ADORA2B: variants seen among roughly 807,000 people sequenced by gnomAD.
ADORA2B encodes the protein adenosine receptor A2b.
In ADORA2B, 18 loss-of-function variants were observed where a neutral mutation model predicts 20.8. The observed-to-expected ratio is 0.87, with a 90% CI of 0.60 to 1.29. The LOEUF is 1.29. Ranked by LOEUF, ADORA2B falls within the 50% of genes most tolerant of loss-of-function variation. The pLI, the probability that ADORA2B is intolerant of heterozygous loss-of-function variation, is 0.00. For synonymous variants in ADORA2B, 179 were observed against 178.3 expected, an observed-to-expected ratio of 1.00 and a Z score of -0.03; for missense variants, 441 against 422.7, an observed-to-expected ratio of 1.04 and a Z score of -0.38.
the ADORA2B span, among the ~76,000 whole-genome samples, chr17:15,922,394 A>G: frequency 2.4e-4 from 37 of 152,322 alleles, 1 homozygote; most frequent in South Asian, 7.7e-3. Flanking sequence ...CTATCAATAC[A>G]TAGAAAGCAT....
the ADORA2B span, among the ~76,000 whole-genome samples, chr17:15,919,712 G>A: frequency 6.6e-6 from 1 of 152,162 alleles, no homozygotes; most frequent in Admixed American, 6.5e-5. Context: ...AGGTACAGCA[G>A]TGGATGTGCC....
At chr17:15,871,850 G>C in the ADORA2B span, among the ~76,000 whole-genome samples, 28 of 152,278 alleles carry the variant, frequency 1.8e-4, no homozygotes, top group Non-Finnish European at 3.4e-4. Flanking sequence ...TCCTTTCACT[G>C]TAATAAATTT....
the ADORA2B span, among the ~76,000 whole-genome samples, chr17:15,939,899 T>C: frequency 6.6e-6 from 1 of 151,446 alleles, no homozygotes; most frequent in Admixed American, 6.6e-5. Flanking sequence ...ACATTTTCTC[T>C]GAATGTCTGA....
the ADORA2B span, among the ~76,000 whole-genome samples, chr17:15,878,262 A>G: frequency 6.6e-6 from 1 of 151,264 alleles, no homozygotes; most frequent in Non-Finnish European, 1.5e-5. Context: ...CATTTATTTC[A>G]GCATCACTTA....
chr17:15,890,713 G>A, the ADORA2B span, among the ~76,000 whole-genome samples: 8 of 152,128 alleles, frequency 5.3e-5, no homozygotes, highest in African/African-American at 1.7e-4. Flanking sequence ...AACAATATCC[G>A]CCTCCCAGTG....
At chr17:15,955,718 T>A (rs1969958451) in intron 1 of ADORA2B, among the ~76,000 whole-genome samples, 1 of 146,820 alleles carries the variant, frequency 6.8e-6, no homozygotes, top group East Asian at 2.0e-4. Flanking sequence ...GCCTCTGGGA[T>A]TCTTTTTTTT....
At chr17:15,894,070 A>G in the ADORA2B span, among the ~76,000 whole-genome samples, 2 of 152,140 alleles carry the variant, frequency 1.3e-5, no homozygotes, top group Non-Finnish European at 2.9e-5. Context: ...ATCCTACAAT[A>G]TGTCCCACAG....
the ADORA2B span, among the ~76,000 whole-genome samples, chr17:15,899,773 G>A: frequency 6.6e-6 from 1 of 151,980 alleles, no homozygotes; most frequent in East Asian, 1.9e-4. Context: ...AAGGACATCA[G>A]TTCATTCTTT....
the ADORA2B span, among the ~76,000 whole-genome samples, chr17:15,851,237 A>G: frequency 0.025 from 3,775 of 150,130 alleles, 151 homozygotes; most frequent in African/African-American, 0.088. Flanking sequence ...GATTTAATCC[A>G]GGGCATTTGG....
chr17:15,954,895 G>A (rs1180196959), intron 1 of ADORA2B, among the ~76,000 whole-genome samples: 1 of 152,242 alleles, frequency 6.6e-6, no homozygotes, highest in Non-Finnish European at 1.5e-5. Flanking sequence ...GGTGTGTAAT[G>A]ATTCTTACTT....
At chr17:15,945,858 G>C (rs1479457393) in intron 1 of ADORA2B, among the ~76,000 whole-genome samples, 1 of 152,142 alleles carries the variant, frequency 6.6e-6, no homozygotes, top group Non-Finnish European at 1.5e-5. Flanking sequence ...CGCCCGGGGA[G>C]GCGCCGTGGA....
At position 15,958,861 on chromosome 17, in the gene ADORA2B, C is replaced by T. The variant is rs1269947051; in HGVS notation, c.335+13278C>T. Among the ~76,000 whole-genome samples, 3 of 152,160 alleles carry T rather than the reference C, an allele frequency of 2.0e-5. No individual in the cohort carries two copies. The East Asian group carries it at 5.8e-4, about 29-fold the overall frequency. On this transcript the variant is annotated intron_variant, in intron 1 of 1. Coordinates refer to ENST00000304222, the MANE Select transcript of ADORA2B (RefSeq NM_000676.4). ...TATTTGTAATTTGTTTAAGGTTTGC[C>T]ATCCTTTCTCTGTTATGAGCAGGGC...
chr17:15,943,024 C>T (rs1969758092), upstream of ADORA2B, among the ~76,000 whole-genome samples: 1 of 152,222 alleles, frequency 6.6e-6, no homozygotes, highest in Admixed American at 6.5e-5. Flanking sequence ...CTCTGGCCTT[C>T]TGTGTGGCAG....
chr17:15,944,600 G>T (rs1969773616), upstream of ADORA2B, among the ~76,000 whole-genome samples: 1 of 152,092 alleles, frequency 6.6e-6, no homozygotes, highest in Non-Finnish European at 1.5e-5. This position sits in a 1 kb window ranked among gnomAD's most constrained non-coding sequence, Gnocchi z 4.8. Context: ...GCTCCTTGCA[G>T]TCCGGCCCCG....
chr17:15,931,378 G>A, the ADORA2B span, among the ~76,000 whole-genome samples: 1 of 152,236 alleles, frequency 6.6e-6, no homozygotes, highest in Admixed American at 6.5e-5. Context: ...CATGTGTGAA[G>A]TGAGATCTGA....
At chr17:15,931,721 T>C in the ADORA2B span, among the ~76,000 whole-genome samples, 2,295 of 152,176 alleles carry the variant, frequency 0.015, 70 homozygotes, top group African/African-American at 0.052. Flanking sequence ...ATTTTAAAAA[T>C]TGGATTATTT....
chr17:15,874,038 ATGTGTATATATATATATATATGTG>A, the ADORA2B span, among the ~76,000 whole-genome samples: 21 of 131,396 alleles, frequency 1.6e-4, no homozygotes, highest in African/African-American at 5.7e-4. Flanking sequence ...CTGTATATAT[ATGTGTATATATATATATATATGTG>A]TGTGTGTATA....
chr17:15,925,979 A>C, the ADORA2B span, among the ~76,000 whole-genome samples: 1 of 151,966 alleles, frequency 6.6e-6, no homozygotes, highest in Non-Finnish European at 1.5e-5. Context: ...TAAAAAAAAA[A>C]CAGATTTAGG....
At chr17:15,855,632 A>G in the ADORA2B span, among the ~76,000 whole-genome samples, 5 of 151,272 alleles carry the variant, frequency 3.3e-5, no homozygotes, top group South Asian at 1.1e-3. Context: ...CTCTTAACAA[A>G]TTTTTAAGTA....
Sources: allele counts gnomAD v4.1 joint callset (sites outside exome capture counted in the v4.1 genomes callset), GRCh38; gene constraint gnomAD v4.1.1; non-coding constraint Gnocchi (gnomAD v3.1); transcripts MANE v1.5; gene names NCBI Gene and HGNC (gene_info 2026-07-23, HGNC 2026-07-21).